TMEM135: variants seen among roughly 807,000 people sequenced by gnomAD.
The protein encoded by TMEM135 is transmembrane protein 135, also known as peroxisomal membrane protein 52.
A neutral mutation model predicts 60.3 loss-of-function variants in TMEM135; 30 were observed. The ratio of observed to expected loss-of-function variants is 0.50; its 90% CI spans 0.37 to 0.68. The LOEUF (loss-of-function observed/expected upper bound fraction) is 0.68. TMEM135 is among the 30% of genes least tolerant of loss of function. TMEM135 has a pLI of 0.00. For missense variants in TMEM135, 468 were observed against 548.8 expected (o/e 0.85, Z 1.47); for synonymous variants, 190 against 186.7 (o/e 1.02, Z -0.14).
chr11:87,112,057 G>T (rs1857766291), intron 4 of TMEM135, among the ~76,000 whole-genome samples: 1 of 152,098 alleles, frequency 6.6e-6, no homozygotes, highest in Non-Finnish European at 1.5e-5. Context: ...CTTATATGTG[G>T]CAATAGTTGC....
At chr11:87,175,140 A>G (rs979312293) in intron 5 of TMEM135, among the ~76,000 whole-genome samples, 1 of 152,174 alleles carries the variant, frequency 6.6e-6, no homozygotes, top group Non-Finnish European at 1.5e-5. Flanking sequence ...TAATTATAAT[A>G]ATATCTTGAT....
chr11:87,120,790 A>C (rs1171354253), intron 4 of TMEM135, among the ~76,000 whole-genome samples: 2 of 152,160 alleles, frequency 1.3e-5, no homozygotes, highest in Non-Finnish European at 1.5e-5. Flanking sequence ...TAAAATATTA[A>C]TTATAATCGT....
chr11:87,257,975 C>T lies in TMEM135; in HGVS notation c.509+21291C>T, dbSNP rs557519956. Reference sequence around the variant, plus strand: ...GCCAGATACAAACTGACCACAAGCACGTACTTCCTATACCATATGTACGTC... The same window carrying T: ...GCCAGATACAAACTGACCACAAGCATGTACTTCCTATACCATATGTACGTC... On this transcript the variant is annotated intron_variant, in intron 6 of 14. Transcript: ENST00000305494. Among the ~76,000 whole-genome samples, 140 of 152,144 alleles carry T rather than the reference C, an allele frequency of 9.2e-4. 1 individual carries two copies. Among genetic ancestry groups the T allele is most frequent in the Non-Finnish European group, 1.8e-3 (119 of 67,986 alleles).
chr11:87,046,909 A>C (rs1197377759), intron 1 of TMEM135, among the ~76,000 whole-genome samples: 1 of 152,194 alleles, frequency 6.6e-6, no homozygotes, highest in Non-Finnish European at 1.5e-5. Context: ...CCTGCCACTT[A>C]CTGGCATTGT....
chr11:87,277,620 C>G (rs554874226), intron 6 of TMEM135, among the ~76,000 whole-genome samples: 87 of 151,836 alleles, frequency 5.7e-4, no homozygotes, highest in African/African-American at 2.0e-3. Flanking sequence ...TTCCTGGGTT[C>G]AATCAATTCT....
chr11:87,136,424 A>G (rs900125964), intron 4 of TMEM135, among the ~76,000 whole-genome samples: 5 of 152,046 alleles, frequency 3.3e-5, no homozygotes, highest in Admixed American at 2.6e-4. Flanking sequence ...AAGAACATTT[A>G]TAACTATGCC....
At position 87,037,935 on chromosome 11, in the gene TMEM135, T is replaced by G; in HGVS notation, c.-111T>G. The G allele has an allele frequency of 6.6e-7, 1 of 1,516,412 alleles. No individual in the cohort carries two copies. The highest frequency in any genetic ancestry group is 9.1e-7 in the Non-Finnish European group (1 of 1,102,934). 93.9% of individuals were successfully genotyped at this position (1,516,412 alleles called of 1,614,324 possible). ...CCGCTCTCGTGACCTTTCCCCTCCA[T>G]TCCGCACCTCCGAGTGCTGGCCGGG... On this transcript the variant is annotated 5_prime_UTR_variant, in exon 1 of 15. Coordinates refer to ENST00000305494, the MANE Select transcript of TMEM135 (RefSeq NM_022918.4).
At chr11:87,232,199 C>A (rs1940904708) in intron 5 of TMEM135, among the ~76,000 whole-genome samples, 1 of 152,092 alleles carries the variant, frequency 6.6e-6, no homozygotes, top group Non-Finnish European at 1.5e-5. Flanking sequence ...GATCTGACAA[C>A]CTTGGCCTCC....
chr11:87,215,091 C>T (rs1046581101), intron 5 of TMEM135, among the ~76,000 whole-genome samples: 4 of 151,976 alleles, frequency 2.6e-5, no homozygotes, highest in Non-Finnish European at 4.4e-5. Context: ...GAAGGTGTCA[C>T]ATATTTCTTT....
At chr11:87,188,754 A>G in intron 5 of TMEM135, among the ~76,000 whole-genome samples, 1 of 152,210 alleles carries the variant, frequency 6.6e-6, no homozygotes, top group East Asian at 1.9e-4. Context: ...ACTTGACAAA[A>G]TTTCAAAATA....
intron 5 of TMEM135, among the ~76,000 whole-genome samples, chr11:87,179,938 C>CTGT (rs142049132): frequency 5.3e-5 from 8 of 151,666 alleles, no homozygotes; most frequent in Admixed American, 2.0e-4. Flanking sequence ...CTGTTTTTTT[C>CTGT]TGTTGTTGTT....
chr11:87,316,532 G>A (rs1942732743), intron 12 of TMEM135, among the ~76,000 whole-genome samples: 1 of 152,058 alleles, frequency 6.6e-6, no homozygotes, highest in Non-Finnish European at 1.5e-5. Context: ...GATCAAAGCT[G>A]AGAGAACAGT....
intron 1 of TMEM135, among the ~76,000 whole-genome samples, chr11:87,053,841 T>C (rs1422674444): frequency 6.6e-6 from 1 of 152,218 alleles, no homozygotes; most frequent in African/African-American, 2.4e-5. Context: ...GCCTTTTAAT[T>C]ACTCACTAAT....
intron 5 of TMEM135, among the ~76,000 whole-genome samples, chr11:87,161,863 A>C (rs1221856667): frequency 6.6e-6 from 1 of 152,210 alleles, no homozygotes; most frequent in Non-Finnish European, 1.5e-5. Flanking sequence ...GGAAAGAGAA[A>C]TATACCTGCC....
chr11:87,063,862 A>G (rs532632449), intron 1 of TMEM135, among the ~76,000 whole-genome samples: 2 of 152,300 alleles, frequency 1.3e-5, no homozygotes, highest in East Asian at 3.9e-4. Flanking sequence ...TTTACTGTTA[A>G]TGGACATTTA....
At chr11:87,218,830 T>G (rs991498611) in intron 5 of TMEM135, among the ~76,000 whole-genome samples, 5 of 152,016 alleles carry the variant, frequency 3.3e-5, no homozygotes, top group Non-Finnish European at 7.4e-5. Context: ...GGCATGGTGG[T>G]GCACACCTGT....
chr11:87,181,882 A>G (rs1322370933), intron 5 of TMEM135, among the ~76,000 whole-genome samples: 1 of 151,976 alleles, frequency 6.6e-6, no homozygotes, highest in African/African-American at 2.4e-5. Flanking sequence ...ATTCTTTTAT[A>G]AGAATTGAAT....
chr11:87,242,244 T>C (rs1360224930), intron 6 of TMEM135, among the ~76,000 whole-genome samples: 1 of 151,726 alleles, frequency 6.6e-6, no homozygotes, highest in Admixed American at 6.6e-5. Flanking sequence ...CTTAATCCAG[T>C]CTATCATTGT....
chr11:87,129,540 G>A (rs1467829035), intron 4 of TMEM135, among the ~76,000 whole-genome samples: 3 of 79,156 alleles, frequency 3.8e-5, no homozygotes, highest in African/African-American at 1.4e-4. Flanking sequence ...ACCATGCTTG[G>A]CCAATTTTTT....
Sources: gnomAD v4.1 joint callset for allele counts (sites outside exome capture counted in the v4.1 genomes callset) on GRCh38, gnomAD v4.1.1 for gene constraint, MANE v1.5 for transcripts, NCBI Gene and HGNC (gene_info 2026-07-23, HGNC 2026-07-21) for gene names.